The following ADNP variants were observed in gnomAD, a reference collection of about 807,000 sequenced individuals.
The protein encoded by ADNP is activity-dependent neuroprotector homeobox protein.
Under a neutral mutation model 84.9 loss-of-function variants are expected in ADNP, and 4 were observed. The observed-to-expected ratio is 0.05, with a 90% CI of 0.02 to 0.11. The LOEUF is 0.11. Among genes scored for constraint, ADNP ranks in the 10% least tolerant of loss-of-function variants. The probability of loss-of-function intolerance (pLI) is 1.00; values close to 1 mark genes in which losing one functional copy is unlikely to be tolerated. For synonymous variants in ADNP, 554 were observed against 468.1 expected (o/e 1.18, Z -2.37); for missense variants, 1,132 against 1,326.0 (o/e 0.85, Z 2.27).
chr20:50,916,555 G>C (rs1201847026), intron 2 of ADNP, among the ~76,000 whole-genome samples: 1 of 152,100 alleles, frequency 6.6e-6, no homozygotes, highest in African/African-American at 2.4e-5. Flanking sequence ...AGTCTCCCTA[G>C]TTCCCTGGAT....
At chr20:50,910,605 C>G (rs1447691820) in intron 2 of ADNP, among the ~76,000 whole-genome samples, 2 of 152,102 alleles carry the variant, frequency 1.3e-5, no homozygotes, top group African/African-American at 4.8e-5. Context: ...TAGAGAGTAA[C>G]TAGCTTTTTG....
rs995127916 is a variant in ADNP, at chr20:50,930,876, C to G, written c.-315G>C. Reference sequence around the variant, plus strand: ...GGGGCCGGCGTGCTCGGGGGCCGGACAGCGGCGGCGGCGGCGGGCGGATGG... The same window carrying G: ...GGGGCCGGCGTGCTCGGGGGCCGGAGAGCGGCGGCGGCGGCGGGCGGATGG... On this transcript the variant is annotated 5_prime_UTR_variant, in exon 1 of 6. Transcript: ENST00000621696. The G allele has an allele frequency of 6.8e-6, 1 of 146,122 alleles. No homozygotes were observed. The highest frequency in any genetic ancestry group is 1.8e-4 in the South Asian group (1 of 5,578). The allele number at this position is 146,122 out of a possible 1,614,324, so 9.1% of individuals were successfully genotyped here.
chr20:50,919,285 TTAAGTGTA>T (rs60494541), intron 2 of ADNP, among the ~76,000 whole-genome samples: 3,588 of 85,472 alleles, frequency 0.042, 291 homozygotes, highest in African/African-American at 0.25. Context: ...ATACATATAT[TTAAGTGTA>T]TATATATATA....
In ADNP at chr20:50,893,501, C is replaced by T; in HGVS notation, c.1213G>A (p.Gly405Ser). Reference protein sequence around the residue: ...QSANASSLSSGQLKSPSLSQS... With the variant: ...QSANASSLSSSQLKSPSLSQS... Reference sequence around the variant, plus strand: ...GAGAGGGAAGGAGACTTTAACTGGCCCGATGAGAGAGAAGAGGCATTAGCA... The same window carrying T: ...GAGAGGGAAGGAGACTTTAACTGGCTCGATGAGAGAGAAGAGGCATTAGCA... The change falls in exon 6 of 6, where the codon GGC becomes AGC. Residue 405 changes from glycine to serine, a missense_variant. By Grantham distance (56) the Gly-to-Ser change is moderately conservative. Around this residue, in one of 10 missense-constraint regions of ADNP, gnomAD observed 239 missense variants for 213.2 expected, o/e 1.12. Coordinates refer to ENST00000621696, the MANE Select transcript of ADNP (RefSeq NM_001282531.3). This position sits in a 1 kb window ranked among gnomAD's most constrained non-coding sequence, Gnocchi z 4.4. 1 of 1,613,800 alleles carries T rather than the reference C, an allele frequency of 6.2e-7. No homozygotes were observed. The highest frequency in any genetic ancestry group is 8.5e-7 in the Non-Finnish European group (1 of 1,180,030).
At chr20:50,912,528 A>G (rs1379543686) in intron 2 of ADNP, among the ~76,000 whole-genome samples, 1 of 152,194 alleles carries the variant, frequency 6.6e-6, no homozygotes, top group Admixed American at 6.5e-5. Context: ...GATAAAAACT[A>G]GAGGTGCTCA....
chr20:50,919,135 T>G (rs1983736328), intron 2 of ADNP, among the ~76,000 whole-genome samples: 1 of 151,972 alleles, frequency 6.6e-6, no homozygotes, highest in Non-Finnish European at 1.5e-5. Context: ...TGACCTCAAT[T>G]GATGGACTAA....
chr20:50,893,508 G>C lies in ADNP; in HGVS notation c.1206C>G (p.Leu402=). 6.2e-7 allele frequency: 1 copy of C among 1,613,892 alleles called. No individual in the cohort carries two copies. The highest frequency in any genetic ancestry group is 8.5e-7 in the Non-Finnish European group (1 of 1,180,046). ...AAGGAGACTTTAACTGGCCCGATGAGAGAGAAGAGGCATTAGCAGACTGCA... is the reference window on the plus strand; with the variant it reads ...AAGGAGACTTTAACTGGCCCGATGACAGAGAAGAGGCATTAGCAGACTGCA... The part of the protein sequence containing the change: ...YSLQSANASS[L]SSGQLKSPSL... The change falls in exon 6 of 6, where the codon CTC becomes CTG. Residue 402 remains leucine, a synonymous_variant. Coordinates refer to ENST00000621696, the MANE Select transcript of ADNP (RefSeq NM_001282531.3). This position sits in a 1 kb window ranked among gnomAD's most constrained non-coding sequence, Gnocchi z 4.4.
chr20:50,903,605 T>C (rs1223576217), intron 4 of ADNP, among the ~76,000 whole-genome samples: 6 of 152,216 alleles, frequency 3.9e-5, no homozygotes, highest in Non-Finnish European at 1.5e-5. Context: ...CCCGCCTCCA[T>C]GGTTGTTCTA....
Position 50,893,405 on chromosome 20 carries a change from G to C in ADNP, c.1309C>G (p.Pro437Ala). 1.9e-6 allele frequency: 3 copies of C among 1,614,162 alleles called. No individual in the cohort carries two copies. Among genetic ancestry groups the C allele is most frequent in the Non-Finnish European group, 8.5e-7 (1 of 1,180,024 alleles). ...KPAAAATGPP[P>A]GNTSSTQKWK... ...TTTTGAGTTGAGGAAGTGTTACCTG[G>C]GGGAGGGCCTGTGGCAGCTGCAGCA... is the stretch of plus-strand genomic sequence containing the variant. The change falls in exon 6 of 6, where the codon CCA becomes GCA. Residue 437 changes from proline to alanine, a missense_variant. Transcript: ENST00000621696. This position sits in a 1 kb window ranked among gnomAD's most constrained non-coding sequence, Gnocchi z 4.4.
intron 2 of ADNP, among the ~76,000 whole-genome samples, chr20:50,917,892 C>T (rs558841024): frequency 2.0e-5 from 3 of 152,076 alleles, no homozygotes; most frequent in Admixed American, 6.5e-5. Context: ...AATAAAGTAC[C>T]GACACATGTT....
In ADNP at chr20:50,894,505, C is replaced by T. The variant is rs749754079; in HGVS notation, c.209G>A (p.Arg70Gln). 2 of 1,589,462 alleles carry T rather than the reference C, an allele frequency of 1.3e-6. No individual in the cohort carries two copies. The highest frequency in any genetic ancestry group is 1.7e-6 in the Non-Finnish European group (2 of 1,172,120). ...DPSLTKNQDY[R>Q]TKPFCCSACP... ...AGCGCTGCAGCAGAAAGGTTTTGTC[C>T]GATAGTCCTAAAGTAAACACAAAAA... Residue 70 changes from arginine (R) to glutamine (Q), a missense_variant, in exon 6 of 6, where the codon CGG becomes CAG. Transcript: ENST00000621696.
chr20:50,919,419 T>TA (rs1158761271), intron 2 of ADNP, among the ~76,000 whole-genome samples: 2 of 151,844 alleles, frequency 1.3e-5, no homozygotes, highest in Non-Finnish European at 2.9e-5. Context: ...GGTGCCACTA[T>TA]ACTCCAGCCT....
chr20:50,913,834 C>A (rs1451106490), intron 2 of ADNP: 4 of 514,774 alleles, frequency 7.8e-6, no homozygotes, highest in African/African-American at 5.9e-5. Flanking sequence ...GCTATGAGAA[C>A]TGACCAGGAC....
intron 5 of ADNP, among the ~76,000 whole-genome samples, chr20:50,898,186 G>C (rs1479085972): frequency 6.6e-6 from 1 of 152,150 alleles, no homozygotes; most frequent in Non-Finnish European, 1.5e-5. Flanking sequence ...TCCAGACTCA[G>C]CTTATCTAGA....
Position 50,891,100 on chromosome 20 carries a change from A to G in ADNP, c.*305T>C, listed in dbSNP as rs1980649990. On this transcript the variant is annotated 3_prime_UTR_variant, in exon 6 of 6. Transcript: ENST00000621696. ...TCAAAGACATCTGACCAATCATTTCACAGAGGGAAAGAAATGTTGAAAAGG... is the reference window on the plus strand; with the variant it reads ...TCAAAGACATCTGACCAATCATTTCGCAGAGGGAAAGAAATGTTGAAAAGG... The G allele has an allele frequency of 8.6e-7, 1 of 1,157,858 alleles. No individual in the cohort carries two copies. Among genetic ancestry groups the G allele is most frequent in the African/African-American group, 1.6e-5 (1 of 62,472 alleles). The allele number at this position is 1,157,858 out of a possible 1,614,324, so 71.7% of individuals were successfully genotyped here.
At chr20:50,929,915 A>T (rs1255348359) in intron 1 of ADNP, among the ~76,000 whole-genome samples, 1 of 152,102 alleles carries the variant, frequency 6.6e-6, no homozygotes, top group Admixed American at 6.5e-5. Context: ...CAAGAAGATT[A>T]AGAAGACTTC....
intron 2 of ADNP, among the ~76,000 whole-genome samples, chr20:50,920,405 A>C (rs1983878341): frequency 6.7e-6 from 1 of 150,194 alleles, no homozygotes; most frequent in African/African-American, 2.5e-5. Flanking sequence ...ACATGGTGAA[A>C]CCCATCTCTA....
At chr20:50,914,723 T>C (rs1016648049) in intron 2 of ADNP, among the ~76,000 whole-genome samples, 4 of 152,204 alleles carry the variant, frequency 2.6e-5, no homozygotes, top group Non-Finnish European at 4.4e-5. Flanking sequence ...TGAAATAGAA[T>C]AGCTCCAATA....
intron 1 of ADNP, among the ~76,000 whole-genome samples, chr20:50,930,234 T>A (rs759314392): frequency 6.6e-6 from 1 of 151,990 alleles, no homozygotes; most frequent in South Asian, 2.1e-4. Flanking sequence ...GCAGCTGAGA[T>A]TGGGGAAAAG....
Sources: gnomAD v4.1 joint callset for allele counts (sites outside exome capture counted in the v4.1 genomes callset) on GRCh38, gnomAD v4.1.1 for gene constraint, gnomAD v4.1.1 regional missense constraint, Gnocchi (gnomAD v3.1) non-coding constraint, MANE v1.5 for transcripts, NCBI Gene and HGNC (gene_info 2026-07-23, HGNC 2026-07-21) for gene names.